The following MS4A2 variants were observed in gnomAD, a reference collection of about 807,000 sequenced individuals.
MS4A2 encodes the protein membrane spanning 4-domains A2.
Under a neutral mutation model 27.9 loss-of-function variants are expected in MS4A2, and 26 were observed. The ratio of observed to expected loss-of-function variants is 0.93; its 90% CI spans 0.68 to 1.29. The LOEUF (loss-of-function observed/expected upper bound fraction) is 1.29, where lower values mean the gene tolerates loss of function less well. Ranked by LOEUF, MS4A2 falls within the 50% of genes most tolerant of loss-of-function variation. The pLI is 0.00. For missense variants in MS4A2, 284 were observed against 284.6 expected (o/e 1.00, Z 0.01); for synonymous variants, 110 against 98.8 (o/e 1.11, Z -0.67).
At chr11:60,093,605 T>G (rs201838781) in intron 5 of MS4A2, 47 bp downstream of exon 5, 536 of 1,608,764 alleles carry the variant, frequency 3.3e-4, no homozygotes, top group Admixed American at 9.5e-4. Flanking sequence ...TGGGTCCTAA[T>G]GTAAGTAAGA....
In MS4A2 at chr11:60,093,952, G is replaced by A. The variant is rs374894223; in HGVS notation, c.538-12G>A. On this transcript the variant is annotated splice_polypyrimidine_tract_variant and intron_variant, in intron 5 of 6. Transcript: ENST00000278888. Reference sequence around the variant, plus strand: ...TGACTCTTTTTGTTTGTCATTTGTTGCTGTTCAATAGGAAATTGTAGTGAT... The same window carrying A: ...TGACTCTTTTTGTTTGTCATTTGTTACTGTTCAATAGGAAATTGTAGTGAT... 699 of 1,598,798 alleles carry A rather than the reference G, an allele frequency of 4.4e-4. 4 individuals are homozygous for A. The Middle Eastern group carries it at 0.011, about 24-fold the overall frequency.
intron 1 of MS4A2, 76 bp from the exon 2 acceptor site, chr11:60,089,616 C>A: frequency 6.3e-7 from 1 of 1,586,866 alleles, no homozygotes; most frequent in South Asian, 1.1e-5. Flanking sequence ...ACAAAACTCC[C>A]CTTTCTGTCT....
intron 2 of MS4A2, 140 bp from the exon 3 acceptor site, chr11:60,090,195 GA>G: frequency 1.1e-6 from 1 of 888,612 alleles, no homozygotes; most frequent in East Asian, 2.4e-5. Flanking sequence ...GGGTATCCTG[GA>G]AAATCTTACG....
chr11:60,096,767 G>A lies in MS4A2; in HGVS notation c.*1111G>A. ...CTGGGTGTGGTGGCAGTCACCTGTAGTCCCAGCTACTTGGGAGGCTGAGGC... is the reference window on the plus strand; with the variant it reads ...CTGGGTGTGGTGGCAGTCACCTGTAATCCCAGCTACTTGGGAGGCTGAGGC... On this transcript the variant is annotated 3_prime_UTR_variant, in exon 7 of 7. Coordinates refer to ENST00000278888, the MANE Select transcript of MS4A2 (RefSeq NM_000139.5). 1 of 151,798 alleles carries A rather than the reference G, an allele frequency of 6.6e-6. No individual in the cohort carries two copies. Among genetic ancestry groups the A allele is most frequent in the Non-Finnish European group, 1.5e-5 (1 of 68,034 alleles). The allele number at this position is 151,798 out of a possible 1,614,324, so 9.4% of individuals were successfully genotyped here.
At chr11:60,088,633 T>G (rs1423773011), upstream of MS4A2, 1 of 1,523,420 alleles carries the variant, frequency 6.6e-7, no homozygotes, top group East Asian at 2.5e-5. Context: ...AAATGACTTA[T>G]GTATAAAGAG....
intron 2 of MS4A2, 102 bp from the exon 3 acceptor site, chr11:60,090,234 G>C: frequency 8.6e-7 from 1 of 1,169,472 alleles, no homozygotes; most frequent in Non-Finnish European, 1.3e-6. Flanking sequence ...GACAGTCTAG[G>C]ACACTAACGC....
At chr11:60,093,324 C>T in intron 4 of MS4A2, 76 bp from the exon 5 acceptor site, 1 of 1,588,794 alleles carries the variant, frequency 6.3e-7, no homozygotes, top group Admixed American at 1.7e-5. Context: ...ATGCATCCAG[C>T]CCTGAAATGA....
chr11:60,088,554 T>C, upstream of MS4A2: 2 of 1,343,392 alleles, frequency 1.5e-6, no homozygotes, highest in Non-Finnish European at 1.9e-6. Context: ...AGTAGACTTC[T>C]TAATTTTTCT....
intron 3 of MS4A2, among the ~76,000 whole-genome samples, chr11:60,092,543 G>T (rs367786658): frequency 6.6e-6 from 1 of 152,036 alleles, no homozygotes; most frequent in African/African-American, 2.4e-5. Context: ...TGATTCCCCC[G>T]CCTCGGCTTC....
Position 60,093,576 on chromosome 11 carries a change from T to G in MS4A2, c.537+18T>G. 1 of 1,614,064 alleles carries G rather than the reference T, an allele frequency of 6.2e-7. No homozygotes were observed. Among genetic ancestry groups the G allele is most frequent in the Non-Finnish European group, 8.5e-7 (1 of 1,179,974 alleles). The stretch of plus-strand genomic sequence containing the variant: ...TTTCCACTGTATGTATTTTTTTTTG[T>G]GTGGGAAGACTAAGATTCTGGGTCC... On this transcript the variant is annotated intron_variant, in intron 5 of 6. Transcript: ENST00000278888.
chr11:60,089,945 A>G, intron 2 of MS4A2, 124 bp downstream of exon 2: 2 of 1,281,756 alleles, frequency 1.6e-6, no homozygotes, highest in Non-Finnish European at 2.1e-6. Context: ...AAAACATGGT[A>G]GATAAAGAGT....
chr11:60,093,554 C>G lies in MS4A2; in HGVS notation c.533C>G (p.Ser178Cys). 6.2e-7 allele frequency: 1 copy of G among 1,614,170 alleles called. No homozygotes were observed. The highest frequency in any genetic ancestry group is 1.3e-5 in the African/African-American group (1 of 75,040). ...FETKCFMASFSTEIVVMMLFL... is the reference protein window; with the variant it reads ...FETKCFMASFCTEIVVMMLFL... ...ACCAAGTGCTTTATGGCTTCCTTTTCCACTGTATGTATTTTTTTTTGTGTG... is the reference window on the plus strand; with the variant it reads ...ACCAAGTGCTTTATGGCTTCCTTTTGCACTGTATGTATTTTTTTTTGTGTG... The change falls in exon 5 of 7, where the codon TCC (serine) becomes TGC (cysteine). Residue 178 changes from serine (S) to cysteine (C), a missense_variant. Coordinates refer to ENST00000278888, the MANE Select transcript of MS4A2 (RefSeq NM_000139.5).
At chr11:60,088,628 A>G, upstream of MS4A2, 1 of 1,509,734 alleles carries the variant, frequency 6.6e-7, no homozygotes, top group South Asian at 1.3e-5. Context: ...CTGGCAAATG[A>G]CTTATGTATA....
At chr11:60,088,886 G>C in intron 1 of MS4A2, 65 bp downstream of exon 1, 1 of 1,478,656 alleles carries the variant, frequency 6.8e-7, no homozygotes, top group Non-Finnish European at 9.3e-7. Context: ...TCATAGTCAC[G>C]GTGCTTAGGA....
chr11:60,092,012 T>G lies in MS4A2; in HGVS notation c.322-780T>G, dbSNP rs1329267592. ...ATAATTACTCTATATTCACATGATA[T>G]ATGTCAGACTCTGGAAATATGCATG... On this transcript the variant is annotated intron_variant, in intron 3 of 6. Transcript: ENST00000278888. Among the ~76,000 whole-genome samples, 5 of 152,334 alleles carry G rather than the reference T, an allele frequency of 3.3e-5. No individual in the cohort carries two copies. The East Asian group carries it at 9.6e-4, about 29-fold the overall frequency.
rs1435503727 is a variant in MS4A2 at position 60,093,433 on chromosome 11, AGCAT to A, written c.413_416del (p.Ser138LysfsTer10). On this transcript the variant is annotated frameshift_variant, in exon 5 of 7. Transcript: ENST00000278888. LOFTEE classifies it high-confidence loss of function. ...AAGCCTGGGAGCAAACACTGCCAGC[AGCAT>A]AGCTGGGGGAACGGGAATTACCATC... 5 of 1,614,232 alleles carry A rather than the reference AGCAT, an allele frequency of 3.1e-6. No homozygotes were observed. The African/African-American group carries it at 6.7e-5, about 22-fold the overall frequency.
At chr11:60,093,603 A>G (rs1410076365) in intron 5 of MS4A2, 45 bp downstream of exon 5, 1 of 1,609,518 alleles carries the variant, frequency 6.2e-7, no homozygotes. Flanking sequence ...TCTGGGTCCT[A>G]ATGTAAGTAA....
chr11:60,092,738 A>T, intron 3 of MS4A2, 54 bp from the exon 4 acceptor site: 1 of 1,512,086 alleles, frequency 6.6e-7, no homozygotes, highest in Non-Finnish European at 9.2e-7. Context: ...GTTAAAAAGG[A>T]CACATTGAAA....
At chr11:60,088,647 C>A, upstream of MS4A2, 4 of 1,536,940 alleles carry the variant, frequency 2.6e-6, no homozygotes, top group Non-Finnish European at 3.5e-6. Flanking sequence ...TAAAGAGAAT[C>A]ATCAATGTCA....
Sources: gnomAD v4.1 joint callset for allele counts (sites outside exome capture counted in the v4.1 genomes callset) on GRCh38, gnomAD v4.1.1 for gene constraint, MANE v1.5 for transcripts, NCBI Gene and HGNC (gene_info 2026-07-23, HGNC 2026-07-21) for gene names.